The following C8orf34 variants were observed in gnomAD, a reference collection of about 807,000 sequenced individuals.
The protein encoded by C8orf34 is chromosome 8 open reading frame 34.
C8orf34 carries 65 observed loss-of-function variants against 68.3 expected under a neutral mutation model. That is an observed-to-expected ratio of 0.95 (90% CI 0.78 to 1.17). C8orf34 has a LOEUF of 1.17. C8orf34 is among the 50% of genes most tolerant of loss of function. The probability of loss-of-function intolerance (pLI) is 0.00; values close to 1 mark genes in which losing one functional copy is unlikely to be tolerated. For synonymous variants in C8orf34, 244 were observed against 241.2 expected (o/e 1.01, Z -0.11); for missense variants, 664 against 655.4 (o/e 1.01, Z -0.14).
intron 1 of C8orf34, among the ~76,000 whole-genome samples, chr8:68,390,900 A>G (rs1808454615): frequency 6.6e-6 from 1 of 152,166 alleles, no homozygotes; most frequent in Admixed American, 6.6e-5. Flanking sequence ...GCCTGGAGAC[A>G]GACTTTCTTC....
intron 11 of C8orf34, among the ~76,000 whole-genome samples, chr8:68,778,665 A>T (rs1488969095): frequency 6.6e-6 from 1 of 152,212 alleles, no homozygotes; most frequent in African/African-American, 2.4e-5. Flanking sequence ...TCCTCAAAAT[A>T]GCTCTGATAG....
intron 1 of C8orf34, among the ~76,000 whole-genome samples, chr8:68,397,041 C>T (rs992323451): frequency 6.6e-6 from 1 of 151,872 alleles, no homozygotes; most frequent in African/African-American, 2.4e-5. Context: ...GAGTCTCACT[C>T]TGTTGCTCAG....
chr8:68,455,995 C>T (rs1811532256), intron 3 of C8orf34, among the ~76,000 whole-genome samples: 1 of 151,206 alleles, frequency 6.6e-6, no homozygotes, highest in Non-Finnish European at 1.5e-5. Flanking sequence ...CCTGTAATTC[C>T]AGCACTTTGG....
chr8:68,395,998 T>C (rs944394876), intron 1 of C8orf34, among the ~76,000 whole-genome samples: 3 of 152,130 alleles, frequency 2.0e-5, no homozygotes, highest in African/African-American at 7.2e-5. Flanking sequence ...AGGCAGTAGA[T>C]ATAGAAGTTT....
intron 9 of C8orf34, among the ~76,000 whole-genome samples, chr8:68,716,348 A>G (rs1196887112): frequency 1.3e-5 from 2 of 152,196 alleles, no homozygotes; most frequent in Non-Finnish European, 2.9e-5. Flanking sequence ...TGCCCAAAGA[A>G]AAGCCACAAA....
At chr8:68,369,225 T>G (rs1418539040) in intron 1 of C8orf34, among the ~76,000 whole-genome samples, 1 of 152,266 alleles carries the variant, frequency 6.6e-6, no homozygotes, top group Non-Finnish European at 1.5e-5. Flanking sequence ...TTCAAATCTC[T>G]GAACCATTCC....
intron 7 of C8orf34, among the ~76,000 whole-genome samples, chr8:68,590,573 C>T (rs987815397): frequency 1.3e-5 from 2 of 152,048 alleles, no homozygotes; most frequent in African/African-American, 4.8e-5. Context: ...ATTTTTATCC[C>T]CTGTCGAAGC....
At chr8:68,810,276 C>A (rs545726749) in intron 12 of C8orf34, among the ~76,000 whole-genome samples, 2 of 152,174 alleles carry the variant, frequency 1.3e-5, no homozygotes, top group East Asian at 1.9e-4. Context: ...ATGCTGGCTG[C>A]GGCAGGGCAG....
intron 1 of C8orf34, among the ~76,000 whole-genome samples, chr8:68,350,657 G>C (rs1267214444): frequency 6.6e-6 from 1 of 151,998 alleles, no homozygotes; most frequent in Non-Finnish European, 1.5e-5. Context: ...AGGTTTTCTT[G>C]TTGAATTGAA....
intron 5 of C8orf34, among the ~76,000 whole-genome samples, chr8:68,498,060 G>A (rs1213450239): frequency 1.3e-5 from 2 of 151,944 alleles, no homozygotes; most frequent in Admixed American, 6.6e-5. Flanking sequence ...CCTCCCGACC[G>A]CAGGTGATCC....
intron 8 of C8orf34, among the ~76,000 whole-genome samples, chr8:68,687,672 A>G (rs1334949152): frequency 1.3e-5 from 2 of 151,982 alleles, no homozygotes; most frequent in African/African-American, 4.8e-5. Context: ...AGAAGATGAC[A>G]TTGAAAAAAC....
chr8:68,754,464 A>G (rs1266294589), intron 10 of C8orf34, among the ~76,000 whole-genome samples: 1 of 152,202 alleles, frequency 6.6e-6, no homozygotes, highest in African/African-American at 2.4e-5. Context: ...GAATCTAGAA[A>G]GGAATGTTAA....
At chr8:68,344,839 G>T (rs1262111713) in intron 1 of C8orf34, among the ~76,000 whole-genome samples, 1 of 151,980 alleles carries the variant, frequency 6.6e-6, no homozygotes, top group African/African-American at 2.4e-5. Context: ...ATTTTTATTG[G>T]GGGGGAGTAA....
intron 10 of C8orf34, among the ~76,000 whole-genome samples, chr8:68,727,515 G>T (rs935249797): frequency 6.6e-6 from 1 of 152,216 alleles, no homozygotes; most frequent in Admixed American, 6.5e-5. Context: ...GCCCCAGTAG[G>T]GACTCTGTGT....
chr8:68,409,939 A>G (rs1032456121), intron 1 of C8orf34, among the ~76,000 whole-genome samples: 4 of 152,206 alleles, frequency 2.6e-5, no homozygotes, highest in Admixed American at 2.6e-4. Flanking sequence ...GTACAGTAAC[A>G]TGCTGTGCAG....
At chr8:68,545,930 C>T (rs1377080309) in intron 7 of C8orf34, among the ~76,000 whole-genome samples, 6 of 151,886 alleles carry the variant, frequency 4.0e-5, no homozygotes, top group Admixed American at 6.6e-5. Context: ...TGTGATAAAA[C>T]AGCACAAAGA....
chr8:68,418,390 C>T (rs574670919), intron 1 of C8orf34, among the ~76,000 whole-genome samples: 27 of 152,140 alleles, frequency 1.8e-4, no homozygotes, highest in African/African-American at 6.3e-4. Context: ...AAAGGGAATG[C>T]TTCTAGATTT....
intron 7 of C8orf34, among the ~76,000 whole-genome samples, chr8:68,620,655 T>C (rs1818360163): frequency 7.5e-6 from 1 of 133,408 alleles, no homozygotes; most frequent in Non-Finnish European, 1.6e-5. Context: ...AATTCAACTA[T>C]ATCTGTGTCA....
intron 8 of C8orf34, among the ~76,000 whole-genome samples, chr8:68,699,333 A>G (rs955777693): frequency 1.3e-5 from 2 of 152,136 alleles, no homozygotes; most frequent in Non-Finnish European, 1.5e-5. Flanking sequence ...GAACATGAAT[A>G]ATTGTTCTGA....
Sources: allele counts gnomAD v4.1 joint callset (sites outside exome capture counted in the v4.1 genomes callset), GRCh38; gene constraint gnomAD v4.1.1; transcripts MANE v1.5; gene names NCBI Gene and HGNC (gene_info 2026-07-23, HGNC 2026-07-21).